Variants in CFAP299 observed in about 807,000 individuals in gnomAD.
The protein encoded by CFAP299 is cilia- and flagella-associated protein 299.
In CFAP299, 21 loss-of-function variants were observed where a neutral mutation model predicts 27.0. That is an observed-to-expected ratio of 0.78 (90% CI 0.55 to 1.12). The LOEUF (loss-of-function observed/expected upper bound fraction) is 1.12. CFAP299 is among the 50% of genes most tolerant of loss of function. The probability of loss-of-function intolerance (pLI) is 0.00; values close to 1 mark genes in which losing one functional copy is unlikely to be tolerated. For synonymous variants in CFAP299, 104 were observed against 98.1 expected, an observed-to-expected ratio of 1.06 and a Z score of -0.36; for missense variants, 310 against 276.6, an observed-to-expected ratio of 1.12 and a Z score of -0.86.
At chr4:80,722,193 G>A (rs766943464) in intron 3 of CFAP299, among the ~76,000 whole-genome samples, 81 of 152,156 alleles carry the variant, frequency 5.3e-4, no homozygotes, top group Non-Finnish European at 8.5e-4. Flanking sequence ...TGAGGTGGGC[G>A]GATCACCTGA....
intron 2 of CFAP299, among the ~76,000 whole-genome samples, chr4:80,414,305 C>T (rs1247022818): frequency 6.6e-6 from 1 of 151,670 alleles, no homozygotes; most frequent in African/African-American, 2.4e-5. Flanking sequence ...CTCCTGACCT[C>T]GTGATCCGCC....
At chr4:80,620,072 G>T (rs1738495635) in intron 3 of CFAP299, among the ~76,000 whole-genome samples, 1 of 152,090 alleles carries the variant, frequency 6.6e-6, no homozygotes, top group South Asian at 2.1e-4. Flanking sequence ...GCATTATTTT[G>T]TCTTTGTTCT....
intron 5 of CFAP299, among the ~76,000 whole-genome samples, chr4:80,952,997 T>C (rs1487091993): frequency 1.3e-5 from 2 of 152,200 alleles, no homozygotes; most frequent in Non-Finnish European, 1.5e-5. Context: ...ATTTAATCTC[T>C]TGGAACCTCG....
chr4:80,806,657 A>T (rs1728880652), intron 3 of CFAP299, among the ~76,000 whole-genome samples: 1 of 152,208 alleles, frequency 6.6e-6, no homozygotes, highest in Non-Finnish European at 1.5e-5. Flanking sequence ...AACACAAACA[A>T]CAGAAAGTGG....
chr4:80,572,745 C>T (rs1396890348), intron 2 of CFAP299, among the ~76,000 whole-genome samples: 1 of 151,734 alleles, frequency 6.6e-6, no homozygotes, highest in Admixed American at 6.6e-5. Context: ...TCTCAAACTC[C>T]TGATGTCGTT....
At chr4:80,679,598 TA>T (rs557325087) in intron 3 of CFAP299, among the ~76,000 whole-genome samples, 47 of 151,780 alleles carry the variant, frequency 3.1e-4, no homozygotes, top group South Asian at 1.0e-3. Flanking sequence ...ATCACTTTTT[TA>T]AAAAAAATGG....
chr4:80,682,863 T>C (rs1201869493), intron 3 of CFAP299, among the ~76,000 whole-genome samples: 2 of 152,124 alleles, frequency 1.3e-5, no homozygotes, highest in Non-Finnish European at 2.9e-5. Flanking sequence ...TGCCATTCGA[T>C]AATACCTCCA....
rs753425105 is a variant in CFAP299, at chr4:80,723,054, C to G, written c.333+139871C>G. Reference sequence around the variant, plus strand: ...AAATTAAAACCACAATGCGATACTACTACATTTCTATTAAAAAGTCTAAAA... The same window carrying G: ...AAATTAAAACCACAATGCGATACTAGTACATTTCTATTAAAAAGTCTAAAA... On this transcript the variant is annotated intron_variant, in intron 3 of 5. Transcript: ENST00000358105. Among the ~76,000 whole-genome samples, 57 of 152,260 alleles carry G rather than the reference C, an allele frequency of 3.7e-4. 1 individual carries two copies. The Middle Eastern group carries it at 0.01, about 27-fold the overall frequency.
chr4:80,361,754 A>G (rs1723557144), intron 1 of CFAP299, among the ~76,000 whole-genome samples: 1 of 152,206 alleles, frequency 6.6e-6, no homozygotes, highest in Non-Finnish European at 1.5e-5. Flanking sequence ...TTGTTTGAAT[A>G]CTTACAACTT....
chr4:80,571,721 G>A lies in CFAP299; in HGVS notation c.243-11372G>A, dbSNP rs2110235089. Among the ~76,000 whole-genome samples, 3 of 151,878 alleles carry A rather than the reference G, an allele frequency of 2.0e-5. No individual in the cohort carries two copies. In the East Asian group the frequency reaches 5.8e-4, roughly 29 times the overall value. On this transcript the variant is annotated intron_variant, in intron 2 of 5. Coordinates refer to ENST00000358105, the MANE Select transcript of CFAP299 (RefSeq NM_152770.3). ...GTTGGGCCCTCATGATGGGATTAGTGCTCCTATTAGAAGAAACACCAGAGT... is the reference window on the plus strand; with the variant it reads ...GTTGGGCCCTCATGATGGGATTAGTACTCCTATTAGAAGAAACACCAGAGT...
chr4:80,868,943 G>C (rs1732914740), intron 3 of CFAP299, among the ~76,000 whole-genome samples: 2 of 150,272 alleles, frequency 1.3e-5, no homozygotes, highest in Admixed American at 1.3e-4. Context: ...GTGTGTGTGT[G>C]TGTGTCCCAA....
intron 3 of CFAP299, among the ~76,000 whole-genome samples, chr4:80,759,544 C>T (rs531313625): frequency 6.6e-6 from 1 of 152,222 alleles, no homozygotes; most frequent in East Asian, 1.9e-4. Context: ...TATTTTTCTC[C>T]TTCTAATTAC....
chr4:80,582,309 T>C (rs1736211417), intron 2 of CFAP299, among the ~76,000 whole-genome samples: 1 of 151,888 alleles, frequency 6.6e-6, no homozygotes, highest in African/African-American at 2.4e-5. Context: ...ATTATGTTTA[T>C]ATATCTGGTT....
intron 2 of CFAP299, among the ~76,000 whole-genome samples, chr4:80,391,992 C>A (rs1396005879): frequency 1.3e-5 from 2 of 152,164 alleles, no homozygotes; most frequent in African/African-American, 4.8e-5. Context: ...ACCTCGTGAC[C>A]TGCATTTGAG....
intron 3 of CFAP299, among the ~76,000 whole-genome samples, chr4:80,853,175 T>C (rs575463379): frequency 9.9e-5 from 15 of 152,136 alleles, no homozygotes; most frequent in Admixed American, 3.3e-4. Flanking sequence ...GGATTACAGG[T>C]ACCTGCCATC....
intron 2 of CFAP299, among the ~76,000 whole-genome samples, chr4:80,519,178 A>ATGTGTGTGTG (rs67077343): frequency 6.6e-6 from 1 of 150,402 alleles, no homozygotes; most frequent in East Asian, 1.9e-4. Flanking sequence ...CTCTGTTAAT[A>ATGTGTGTGTG]TGTGTGTGTG....
At chr4:80,668,694 G>C (rs1441450154) in intron 3 of CFAP299, among the ~76,000 whole-genome samples, 1 of 152,080 alleles carries the variant, frequency 6.6e-6, no homozygotes, top group African/African-American at 2.4e-5. Flanking sequence ...AAGCTTATTT[G>C]GTTATTATAG....
chr4:80,658,097 G>T (rs2109977882), intron 3 of CFAP299, among the ~76,000 whole-genome samples: 1 of 152,260 alleles, frequency 6.6e-6, no homozygotes, highest in South Asian at 2.1e-4. Flanking sequence ...CTGAGACTTT[G>T]CTGAAGTTGC....
chr4:80,755,007 A>C (rs1329146205), intron 3 of CFAP299, among the ~76,000 whole-genome samples: 1 of 152,172 alleles, frequency 6.6e-6, no homozygotes, highest in Non-Finnish European at 1.5e-5. Flanking sequence ...ATTAATTGTC[A>C]AGACACAACA....
Sources: gnomAD v4.1 joint callset for allele counts (sites outside exome capture counted in the v4.1 genomes callset) on GRCh38, gnomAD v4.1.1 for gene constraint, MANE v1.5 for transcripts, NCBI Gene and HGNC (gene_info 2026-07-23, HGNC 2026-07-21) for gene names.